CNTNAP5: variants seen among roughly 807,000 people sequenced by gnomAD.
CNTNAP5 encodes contactin associated protein family member 5.
Under a neutral mutation model 150.2 loss-of-function variants are expected in CNTNAP5, and 72 were observed. The observed-to-expected ratio is 0.48, with a 90% CI of 0.40 to 0.58. The LOEUF is 0.58. CNTNAP5 is among the 20% of genes least tolerant of loss of function. The pLI is 0.00. For missense variants in CNTNAP5, 1,636 were observed against 1,626.2 expected (o/e 1.01, Z -0.10); for synonymous variants, 672 against 619.8 (o/e 1.08, Z -1.25).
intron 1 of CNTNAP5, among the ~76,000 whole-genome samples, chr2:124,029,831 C>T (rs142620626): frequency 4.3e-4 from 65 of 152,160 alleles, no homozygotes; most frequent in Non-Finnish European, 7.2e-4. Flanking sequence ...GTTGATAAGC[C>T]AGAACTTCAC....
intron 2 of CNTNAP5, among the ~76,000 whole-genome samples, chr2:124,228,989 G>T (rs764448882): frequency 2.6e-5 from 4 of 152,086 alleles, no homozygotes; most frequent in Non-Finnish European, 5.9e-5. Context: ...ACTGAAAATT[G>T]CTGAGTCCCT....
intron 1 of CNTNAP5, among the ~76,000 whole-genome samples, chr2:124,177,000 CAT>C: frequency 6.6e-6 from 1 of 151,892 alleles, no homozygotes; most frequent in Non-Finnish European, 1.5e-5. Context: ...CATGCATCAC[CAT>C]GCCTGGCTAA....
chr2:124,569,106 T>G (rs189467079), intron 11 of CNTNAP5, among the ~76,000 whole-genome samples: 1 of 152,268 alleles, frequency 6.6e-6, no homozygotes, highest in Non-Finnish European at 1.5e-5. Context: ...TATGGTTTAC[T>G]TAAACAAACC....
In CNTNAP5 at chr2:124,485,628, A is replaced by G. The variant is rs1268387484; in HGVS notation, c.1062+10746A>G. Among the ~76,000 whole-genome samples the G allele has an allele frequency of 5.2e-4, 67 of 127,630 alleles. 1 individual carries two copies. Among genetic ancestry groups the G allele is most frequent in the African/African-American group, 2.3e-3 (65 of 28,774 alleles). 83.7% of individuals were successfully genotyped at this position (127,630 alleles called of 152,430 possible). ...ACTCTGTCTCAAAAAAAAAAAAAAA[A>G]AAAAAAGAAGAAGGTGCATTTACCG... is the stretch of plus-strand genomic sequence containing the variant. On this transcript the variant is annotated intron_variant, in intron 7 of 23. Transcript: ENST00000682447.
At chr2:124,800,316 C>T (rs1345554614) in intron 19 of CNTNAP5, among the ~76,000 whole-genome samples, 1 of 152,172 alleles carries the variant, frequency 6.6e-6, no homozygotes, top group Admixed American at 6.5e-5. Flanking sequence ...GGAAATACAG[C>T]TGCCATGAAG....
intron 1 of CNTNAP5, among the ~76,000 whole-genome samples, chr2:124,191,929 A>G (rs950618353): frequency 2.6e-5 from 4 of 151,976 alleles, no homozygotes; most frequent in African/African-American, 9.7e-5. Context: ...AAAAAGTAAA[A>G]AGAAAAATAC....
intron 19 of CNTNAP5, among the ~76,000 whole-genome samples, chr2:124,821,761 G>C (rs1379599418): frequency 6.6e-6 from 1 of 152,124 alleles, no homozygotes; most frequent in Non-Finnish European, 1.5e-5. Context: ...GCATTGCCTG[G>C]GTATGTGTTG....
Position 124,731,440 on chromosome 2 carries a change from G to A in CNTNAP5, c.2078-15789G>A, listed in dbSNP as rs1394126737. Among the ~76,000 whole-genome samples, 7 of 151,376 alleles carry A rather than the reference G, an allele frequency of 4.6e-5. No individual in the cohort carries two copies. The East Asian group carries it at 9.7e-4, about 21-fold the overall frequency. On this transcript the variant is annotated intron_variant, in intron 13 of 23. Coordinates refer to ENST00000682447, the MANE Select transcript of CNTNAP5 (RefSeq NM_001367498.1). The stretch of plus-strand genomic sequence containing the variant: ...GATAGGATTGTGATAAATTCTTGTC[G>A]AATCGATTGTGCTAAGGCGTTTAAA...
At chr2:124,705,169 T>G (rs1257582315) in intron 13 of CNTNAP5, among the ~76,000 whole-genome samples, 3 of 152,176 alleles carry the variant, frequency 2.0e-5, no homozygotes, top group African/African-American at 7.2e-5. Context: ...CAAGCACATG[T>G]GTCTGTGTAA....
At chr2:124,913,875 G>C (rs901021735) in intron 23 of CNTNAP5, among the ~76,000 whole-genome samples, 1 of 151,984 alleles carries the variant, frequency 6.6e-6, no homozygotes, top group African/African-American at 2.4e-5. Flanking sequence ...AGTGTCTCTC[G>C]CCCCCAGTTA....
chr2:124,774,229 A>G (rs938521646), intron 17 of CNTNAP5, among the ~76,000 whole-genome samples: 1 of 151,642 alleles, frequency 6.6e-6, no homozygotes, highest in African/African-American at 2.4e-5. Context: ...TTTTTTGCCA[A>G]CTCCCACACT....
At chr2:124,614,524 G>C (rs1272111599) in intron 12 of CNTNAP5, among the ~76,000 whole-genome samples, 1 of 152,178 alleles carries the variant, frequency 6.6e-6, no homozygotes, top group Admixed American at 6.5e-5. Flanking sequence ...TTCCAGGAAA[G>C]TGGTGGGCAG....
intron 19 of CNTNAP5, among the ~76,000 whole-genome samples, chr2:124,812,507 A>G (rs559032748): frequency 2.6e-5 from 4 of 152,258 alleles, no homozygotes; most frequent in African/African-American, 7.2e-5. Flanking sequence ...GGAAAAGTCA[A>G]CTAGCATTTG....
intron 13 of CNTNAP5, among the ~76,000 whole-genome samples, chr2:124,698,176 T>C (rs1679444855): frequency 6.6e-6 from 1 of 151,984 alleles, no homozygotes; most frequent in South Asian, 2.1e-4. Context: ...GCATGCAAAA[T>C]GGGTTTGAGG....
chr2:124,488,707 T>C (rs1353995973), intron 7 of CNTNAP5, among the ~76,000 whole-genome samples: 4 of 152,168 alleles, frequency 2.6e-5, no homozygotes, highest in Admixed American at 2.6e-4. Flanking sequence ...GCATAGTAAA[T>C]ATTCATTGAA....
At chr2:124,521,314 C>G (rs1304631272) in intron 8 of CNTNAP5, among the ~76,000 whole-genome samples, 1 of 152,130 alleles carries the variant, frequency 6.6e-6, no homozygotes, top group Non-Finnish European at 1.5e-5. Context: ...AACTTTTCAC[C>G]CAGGCTCCCA....
At chr2:124,891,911 T>C (rs1355566988) in intron 21 of CNTNAP5, among the ~76,000 whole-genome samples, 1 of 152,136 alleles carries the variant, frequency 6.6e-6, no homozygotes, top group Non-Finnish European at 1.5e-5. Context: ...CACAAGAGTT[T>C]TCCAATTGGC....
At chr2:124,196,321 A>T (rs1340675767) in intron 1 of CNTNAP5, among the ~76,000 whole-genome samples, 4 of 152,200 alleles carry the variant, frequency 2.6e-5, no homozygotes, top group Admixed American at 2.6e-4. Flanking sequence ...TCACAGCTAC[A>T]TGATGGACTC....
intron 4 of CNTNAP5, among the ~76,000 whole-genome samples, chr2:124,419,014 G>C (rs1692003842): frequency 6.7e-6 from 1 of 148,980 alleles, no homozygotes; most frequent in African/African-American, 2.5e-5. Context: ...GGCGCCTGTA[G>C]TCCCAGCTAC....
Sources: allele counts gnomAD v4.1 joint callset (sites outside exome capture counted in the v4.1 genomes callset), GRCh38; gene constraint gnomAD v4.1.1; transcripts MANE v1.5; gene names NCBI Gene and HGNC (gene_info 2026-07-23, HGNC 2026-07-21).